TUT4: variants seen among roughly 807,000 people sequenced by gnomAD.
The protein encoded by TUT4 is terminal uridylyltransferase 4.
In TUT4, 36 loss-of-function variants were observed where a neutral mutation model predicts 192.2. The ratio of observed to expected loss-of-function variants is 0.19; its 90% CI spans 0.14 to 0.25. The LOEUF is 0.25. Ranked by LOEUF, TUT4 falls within the 10% of genes least tolerant of loss-of-function variation. The pLI, the probability that TUT4 is intolerant of heterozygous loss-of-function variation, is 1.00. For missense variants in TUT4, 1,493 were observed against 1,957.2 expected (o/e 0.76, Z 4.47); for synonymous variants, 618 against 666.0 (o/e 0.93, Z 1.11).
At chr1:52,481,233 G>C (rs1668410174) in intron 11 of TUT4, among the ~76,000 whole-genome samples, 190 bp downstream of exon 11, 1 of 152,066 alleles carries the variant, frequency 6.6e-6, no homozygotes, top group Non-Finnish European at 1.5e-5. Flanking sequence ...TCCAAAATAA[G>C]GCATAAATTC....
intron 1 of TUT4, among the ~76,000 whole-genome samples, chr1:52,538,968 A>C (rs1685740246): frequency 6.6e-6 from 1 of 152,146 alleles, no homozygotes; most frequent in African/African-American, 2.4e-5. Context: ...GGAATCCCGG[A>C]ATTACAGATG....
At position 52,425,341 on chromosome 1, in the gene TUT4, A is replaced by G; in HGVS notation, c.4870+8T>C. 2 of 1,612,426 alleles carry G rather than the reference A, an allele frequency of 1.2e-6. No homozygotes were observed. The highest frequency in any genetic ancestry group is 3.3e-5 in the Admixed American group (2 of 59,802). On this transcript the variant is annotated splice_region_variant and intron_variant, in intron 29 of 29. Transcript: ENST00000257177. Reference sequence around the variant, plus strand: ...CAAGCCTGTTAACTAATTTGTAAGCAGTGGTACCTTGAGTATAGAAAGGTT... The same window carrying G: ...CAAGCCTGTTAACTAATTTGTAAGCGGTGGTACCTTGAGTATAGAAAGGTT...
chr1:52,481,823 G>A lies in TUT4; in HGVS notation c.1616C>T (p.Pro539Leu), dbSNP rs768801278. 1.3e-6 allele frequency: 2 copies of A among 1,590,906 alleles called. No homozygotes were observed. The highest frequency in any genetic ancestry group is 3.8e-5 in the Admixed American group (2 of 52,912). ...GCTTACCCAACTTCCAAGTAAGCAA[G>A]GAAGAAGAGGGGGTTTTCTCTGTTG... ...FLQQRKPPLL[P>L]CLLGSWIEGF... Residue 539 changes from proline (P) to leucine (L), a missense_variant, in exon 10 of 30, where the codon CCT becomes CTT. Physicochemically the swap from Pro to Leu is moderately conservative, Grantham distance 98. Transcript: ENST00000257177.
chr1:52,451,491 T>C (rs963576217), intron 20 of TUT4, among the ~76,000 whole-genome samples: 4 of 152,186 alleles, frequency 2.6e-5, no homozygotes, highest in East Asian at 1.9e-4. Flanking sequence ...AAAAGAATAA[T>C]AACACTATGA....
intron 1 of TUT4, chr1:52,529,676 T>C (rs183162203): frequency 6.6e-5 from 10 of 152,246 alleles, no homozygotes; most frequent in African/African-American, 2.4e-4. Flanking sequence ...TTTTAGACAA[T>C]TTATTCATCC....
chr1:52,428,139 G>T (rs761682030), intron 28 of TUT4, among the ~76,000 whole-genome samples: 35 of 152,142 alleles, frequency 2.3e-4, no homozygotes, highest in Non-Finnish European at 4.1e-4. Flanking sequence ...AAATCAAAGA[G>T]ATATAAAAAC....
chr1:52,515,791 T>G (rs1294807127), intron 3 of TUT4, 100 bp downstream of exon 3: 1 of 1,395,856 alleles, frequency 7.2e-7, no homozygotes, highest in East Asian at 2.3e-5. Context: ...GAATGCAACC[T>G]CTGTCTTATG....
intron 24 of TUT4, among the ~76,000 whole-genome samples, chr1:52,439,158 G>A (rs536660697): frequency 6.6e-6 from 1 of 151,470 alleles, no homozygotes; most frequent in South Asian, 2.1e-4. Context: ...GTTTGAGGCT[G>A]TAGTGCATAA....
intron 19 of TUT4, among the ~76,000 whole-genome samples, chr1:52,460,131 T>C (rs193277082): frequency 2.0e-5 from 3 of 152,298 alleles, no homozygotes; most frequent in African/African-American, 2.4e-5. Flanking sequence ...GTCTTGTATG[T>C]AGTATGTGCC....
In TUT4 at chr1:52,477,847, G is replaced by C; in HGVS notation, c.1884C>G (p.Ser628=). ...GCAGCTCTAACCATAACTGTCCCAAGGATACCCGATTTGGTGTTTCCAATG... is the reference window on the plus strand; with the variant it reads ...GCAGCTCTAACCATAACTGTCCCAACGATACCCGATTTGGTGTTTCCAATG... The part of the protein sequence containing the change: ...PLALETPNRV[S]LGQLWLELLK... Residue 628 remains serine (S), a synonymous_variant, in exon 12 of 30, where the codon TCC becomes TCG. Transcript: ENST00000257177. The C allele has an allele frequency of 6.2e-7, 1 of 1,611,386 alleles. No homozygotes were observed. Among genetic ancestry groups the C allele is most frequent in the African/African-American group, 1.3e-5 (1 of 74,804 alleles).
chr1:52,448,294 G>C (rs1008264736), intron 20 of TUT4, among the ~76,000 whole-genome samples: 2 of 152,046 alleles, frequency 1.3e-5, no homozygotes, highest in Admixed American at 6.6e-5. Context: ...TAAAACAAAA[G>C]TGAAAGACTG....
intron 16 of TUT4, chr1:52,463,184 C>T (rs779525021): frequency 6.7e-5 from 66 of 982,984 alleles, no homozygotes; most frequent in Non-Finnish European, 4.8e-6. Context: ...TATACAAACC[C>T]TTAGTGATTA....
At chr1:52,436,658 T>G (rs968286809) in intron 26 of TUT4, 97 bp downstream of exon 26, 23 of 1,544,304 alleles carry the variant, frequency 1.5e-5, no homozygotes, top group Non-Finnish European at 1.9e-5. Context: ...ATCATACAAT[T>G]AGGTTTGCAA....
intron 8 of TUT4, among the ~76,000 whole-genome samples, chr1:52,490,150 C>CTTTTTT (rs34451806): frequency 8.3e-6 from 1 of 120,380 alleles, no homozygotes; most frequent in Non-Finnish European, 1.7e-5. Flanking sequence ...AGAAGAGAGG[C>CTTTTTT]TTTTTTTTTT....
chr1:52,481,395 G>A, intron 11 of TUT4, 28 bp downstream of exon 11: 3 of 1,605,600 alleles, frequency 1.9e-6, no homozygotes, highest in Non-Finnish European at 2.6e-6. Flanking sequence ...AGATAGAAAA[G>A]CCAAAAAACA....
chr1:52,438,419 G>T, intron 24 of TUT4, 84 bp from the exon 25 acceptor site: 3 of 875,506 alleles, frequency 3.4e-6, no homozygotes, highest in East Asian at 2.6e-5. Flanking sequence ...ATGCAAACAT[G>T]GTTTATTTTT....
chr1:52,476,671 AAAAG>A (rs974168844), intron 12 of TUT4, among the ~76,000 whole-genome samples: 3 of 152,230 alleles, frequency 2.0e-5, no homozygotes, highest in Admixed American at 2.0e-4. Flanking sequence ...GAAAGAAAAA[AAAAG>A]AGATAAATTA....
intron 14 of TUT4, among the ~76,000 whole-genome samples, chr1:52,469,151 T>G (rs1396640780): frequency 6.6e-6 from 1 of 152,154 alleles, no homozygotes; most frequent in Admixed American, 6.5e-5. Flanking sequence ...CCACAGAACT[T>G]TGCAGCACAA....
chr1:52,456,496 A>G (rs1661019675), intron 20 of TUT4, among the ~76,000 whole-genome samples: 1 of 150,776 alleles, frequency 6.6e-6, no homozygotes, highest in South Asian at 2.1e-4. Context: ...ATTAAAAAAA[A>G]AAAAGAAAGA....
Sources: allele counts gnomAD v4.1 joint callset (sites outside exome capture counted in the v4.1 genomes callset), GRCh38; gene constraint gnomAD v4.1.1; transcripts MANE v1.5; gene names NCBI Gene and HGNC (gene_info 2026-07-23, HGNC 2026-07-21).